MYRIP: variants seen among roughly 807,000 people sequenced by gnomAD.
MYRIP encodes rab effector MyRIP.
MYRIP carries 49 observed loss-of-function variants against 98.0 expected under a neutral mutation model. The ratio of observed to expected loss-of-function variants is 0.50; its 90% CI spans 0.40 to 0.63. MYRIP has a LOEUF of 0.63. MYRIP is among the 30% of genes least tolerant of loss of function. MYRIP has a pLI of 0.00. For missense variants in MYRIP, 1,004 were observed against 1,058.2 expected, an observed-to-expected ratio of 0.95 and a Z score of 0.71; for synonymous variants, 404 against 409.5, an observed-to-expected ratio of 0.99 and a Z score of 0.16.
chr3:40,003,065 T>A (rs1946556520), intron 2 of MYRIP, among the ~76,000 whole-genome samples: 1 of 151,592 alleles, frequency 6.6e-6, no homozygotes, highest in Non-Finnish European at 1.5e-5. Flanking sequence ...TATAAATACA[T>A]ATATAGAATC....
intron 3 of MYRIP, among the ~76,000 whole-genome samples, chr3:40,049,387 A>G (rs921847847): frequency 2.0e-5 from 3 of 152,082 alleles, no homozygotes; most frequent in Non-Finnish European, 4.4e-5. Flanking sequence ...CTTTCTCATT[A>G]TTATTGTTAT....
chr3:40,025,309 T>A (rs1327482740), intron 2 of MYRIP, among the ~76,000 whole-genome samples: 1 of 152,168 alleles, frequency 6.6e-6, no homozygotes, highest in Non-Finnish European at 1.5e-5. Context: ...AAATTTGATT[T>A]TCTTTACTCA....
intron 2 of MYRIP, among the ~76,000 whole-genome samples, chr3:39,984,988 C>T (rs1945996384): frequency 6.6e-6 from 1 of 150,380 alleles, no homozygotes; most frequent in Non-Finnish European, 1.5e-5. Flanking sequence ...TGATGATGAG[C>T]ATTTTTTCAT....
intron 2 of MYRIP, among the ~76,000 whole-genome samples, chr3:40,005,530 A>C (rs1946611453): frequency 6.6e-6 from 1 of 152,268 alleles, no homozygotes; most frequent in Non-Finnish European, 1.5e-5. Context: ...CATAGTTTTC[A>C]AAATAATACA....
At chr3:40,096,190 G>A (rs1948831054) in intron 3 of MYRIP, among the ~76,000 whole-genome samples, 1 of 151,932 alleles carries the variant, frequency 6.6e-6, no homozygotes, top group Non-Finnish European at 1.5e-5. Context: ...TCCTAAACCG[G>A]TGTTCCATCC....
intron 1 of MYRIP, among the ~76,000 whole-genome samples, chr3:39,836,670 T>G (rs561010630): frequency 1.3e-5 from 2 of 152,312 alleles, no homozygotes; most frequent in African/African-American, 4.8e-5. Flanking sequence ...GCTGAGGGTC[T>G]GAGGCCACTC....
At chr3:39,922,530 G>A (rs2125692150) in intron 2 of MYRIP, among the ~76,000 whole-genome samples, 3 of 152,270 alleles carry the variant, frequency 2.0e-5, no homozygotes, top group Middle Eastern at 3.4e-3. Context: ...CTAGTGGAGA[G>A]TAAAAATATT....
At chr3:40,218,749 A>G (rs1952233666) in intron 11 of MYRIP, among the ~76,000 whole-genome samples, 2 of 150,556 alleles carry the variant, frequency 1.3e-5, no homozygotes, top group Admixed American at 1.3e-4. Context: ...TAGGAGACAT[A>G]AAGACTGAAT....
chr3:39,962,958 C>T (rs779585021), intron 2 of MYRIP, among the ~76,000 whole-genome samples: 51 of 151,988 alleles, frequency 3.4e-4, no homozygotes, highest in African/African-American at 1.1e-3. Flanking sequence ...TCTCATACAT[C>T]GGTATTATGA....
At chr3:40,140,954 T>C (rs1244757251) in intron 3 of MYRIP, among the ~76,000 whole-genome samples, 1 of 152,178 alleles carries the variant, frequency 6.6e-6, no homozygotes. Context: ...TACAATTAAA[T>C]TATTATTGAC....
intron 2 of MYRIP, among the ~76,000 whole-genome samples, chr3:40,020,868 C>T (rs1946976817): frequency 6.6e-6 from 1 of 152,128 alleles, no homozygotes; most frequent in South Asian, 2.1e-4. Context: ...GAACAAGCTT[C>T]AGTTCTGGAA....
intron 3 of MYRIP, among the ~76,000 whole-genome samples, chr3:40,147,847 A>G (rs572577880): frequency 6.6e-6 from 1 of 152,138 alleles, no homozygotes; most frequent in Non-Finnish European, 1.5e-5. Flanking sequence ...TGGGCTGCCT[A>G]CCTTCCAGAT....
At chr3:39,950,862 C>G (rs1944996212) in intron 2 of MYRIP, among the ~76,000 whole-genome samples, 5 of 152,084 alleles carry the variant, frequency 3.3e-5, no homozygotes, top group Admixed American at 3.3e-4. Context: ...GATCTAGAAA[C>G]CTAAAATAAG....
In MYRIP at chr3:40,258,359, G is replaced by A; in HGVS notation, c.*193G>A. On this transcript the variant is annotated 3_prime_UTR_variant, in exon 17 of 17. Coordinates refer to ENST00000302541, the MANE Select transcript of MYRIP (RefSeq NM_015460.4). ...TCTCAGACTTCAGCACTGCGGTCTT[G>A]CCCACTCTCTGCCTTAGGCTCCCAG... The A allele has an allele frequency of 1.7e-6, 1 of 576,548 alleles. No individual in the cohort carries two copies. Among genetic ancestry groups the A allele is most frequent in the Non-Finnish European group, 3.1e-6 (1 of 323,604 alleles). 35.7% of individuals were successfully genotyped at this position (576,548 alleles called of 1,614,324 possible). A position where few individuals can be genotyped will look rare whatever the true frequency, so the allele number is the denominator to read the frequency against.
chr3:40,173,082 A>G (rs1950655248), intron 8 of MYRIP: 1 of 152,260 alleles, frequency 6.6e-6, no homozygotes, highest in South Asian at 2.1e-4. Context: ...AAAAAGCTTA[A>G]ACAGTAATGT....
chr3:40,025,758 A>G (rs1355103674), intron 2 of MYRIP, among the ~76,000 whole-genome samples: 1 of 152,146 alleles, frequency 6.6e-6, no homozygotes, highest in Non-Finnish European at 1.5e-5. Flanking sequence ...AGCAAGTTTT[A>G]TTAAGGATTT....
intron 8 of MYRIP, among the ~76,000 whole-genome samples, chr3:40,171,145 C>T (rs1311214145): frequency 6.6e-6 from 1 of 151,926 alleles, no homozygotes; most frequent in African/African-American, 2.4e-5. Flanking sequence ...ATATGCTCAG[C>T]ACCAAGGAGA....
Position 39,999,135 on chromosome 3 carries a change from A to G in MYRIP, c.111-44915A>G, listed in dbSNP as rs1291605988. Among the ~76,000 whole-genome samples, 3 of 152,248 alleles carry G rather than the reference A, an allele frequency of 2.0e-5. No individual in the cohort carries two copies. In the East Asian group the frequency reaches 5.8e-4, roughly 29 times the overall value. On this transcript the variant is annotated intron_variant, in intron 2 of 16. Transcript: ENST00000302541. Reference sequence around the variant, plus strand: ...AGGCATGGGCAAGGACTTCATGTCTAAAACACCAAAAGCAATGGCAACAAA... The same window carrying G: ...AGGCATGGGCAAGGACTTCATGTCTGAAACACCAAAAGCAATGGCAACAAA...
At chr3:39,855,445 C>T (rs571985082) in intron 1 of MYRIP, among the ~76,000 whole-genome samples, 3 of 152,124 alleles carry the variant, frequency 2.0e-5, no homozygotes, top group Non-Finnish European at 4.4e-5. Context: ...TAGGGAAATA[C>T]ATCAGGCAGG....
Sources: allele counts gnomAD v4.1 joint callset (sites outside exome capture counted in the v4.1 genomes callset), GRCh38; gene constraint gnomAD v4.1.1; transcripts MANE v1.5; gene names NCBI Gene and HGNC (gene_info 2026-07-23, HGNC 2026-07-21).